Variants in ANKRD35 observed in about 807,000 individuals in gnomAD.
The protein encoded by ANKRD35 is ankyrin repeat domain-containing protein 35.
ANKRD35 carries 102 observed loss-of-function variants against 109.9 expected under a neutral mutation model. The ratio of observed to expected loss-of-function variants is 0.93; its 90% CI spans 0.79 to 1.09. The LOEUF (loss-of-function observed/expected upper bound fraction) is 1.09. Among genes scored for constraint, ANKRD35 ranks in the 50% least tolerant of loss-of-function variants. The pLI is 0.00. For missense variants in ANKRD35, 1,240 were observed against 1,230.1 expected, an observed-to-expected ratio of 1.01 and a Z score of -0.12; for synonymous variants, 515 against 512.4, an observed-to-expected ratio of 1.01 and a Z score of -0.07.
chr1:145,878,280 A>C, intron 3 of ANKRD35, 111 bp downstream of exon 3: 1 of 1,199,090 alleles, frequency 8.3e-7, no homozygotes, highest in South Asian at 1.3e-5. Context: ...CTTACTAAGG[A>C]GAGAAGCAAG....
intron 4 of ANKRD35, 114 bp downstream of exon 4, chr1:145,877,854 G>T: frequency 2.1e-6 from 2 of 966,626 alleles, no homozygotes; most frequent in Non-Finnish European, 3.2e-6. Flanking sequence ...CCCTCCTATT[G>T]GGGATGAGGC....
rs782605209 is a variant in ANKRD35 at position 145,873,542 on chromosome 1, T to C, written c.1227A>G (p.Pro409=). ...LAPKKAEDSA[P]GKIQYEVHGR... ...CATGGACTTCATACTGGATCTTTCC[T>C]GGGGCTGAGTCCTCAGCCTTCTTTG... is the stretch of plus-strand genomic sequence containing the variant. The change falls in exon 10 of 14, where the codon CCA becomes CCG. Residue 409 remains proline, a synonymous_variant. Transcript: ENST00000355594. The C allele has an allele frequency of 6.2e-6, 10 of 1,614,150 alleles. No homozygotes were observed. The highest frequency in any genetic ancestry group is 3.3e-5 in the South Asian group (3 of 91,086).
intron 10 of ANKRD35, among the ~76,000 whole-genome samples, chr1:145,871,055 CAT>C (rs1358247627): frequency 2.0e-5 from 3 of 151,188 alleles, no homozygotes; most frequent in Non-Finnish European, 4.4e-5. Flanking sequence ...CTCATAGAAA[CAT>C]GTAGACTCAC....
intron 12 of ANKRD35, 76 bp downstream of exon 12, chr1:145,867,915 G>A: frequency 7.0e-7 from 1 of 1,423,286 alleles, no homozygotes. Context: ...CCCTGGAGAA[G>A]AGAGAGGGAC....
Position 145,884,262 on chromosome 1 carries a change from G to A in ANKRD35, c.39+1458C>T, listed in dbSNP as rs73006864. Reference sequence around the variant, plus strand: ...CTGAGTCTGGGCAGCCTCAGTTTCTGGTGCATATAATAGTAAATACCTTTT... The same window carrying A: ...CTGAGTCTGGGCAGCCTCAGTTTCTAGTGCATATAATAGTAAATACCTTTT... On this transcript the variant is annotated intron_variant, in intron 1 of 13. Coordinates refer to ENST00000355594, the MANE Select transcript of ANKRD35 (RefSeq NM_144698.5). Among the ~76,000 whole-genome samples, 830 of 152,248 alleles carry A rather than the reference G, an allele frequency of 5.5e-3. 6 individuals are homozygous for A. Among genetic ancestry groups the A allele is most frequent in the African/African-American group, 0.019 (778 of 41,536 alleles).
Position 145,885,829 on chromosome 1 carries a change from C to A in ANKRD35, c.-71G>T. ...GCCACAGGTTCCCGAACCCACCGGA[C>A]TTGGCTGCGGCTGTGCAAGAGACAG... is the stretch of plus-strand genomic sequence containing the variant. On this transcript the variant is annotated 5_prime_UTR_variant, in exon 1 of 14. Coordinates refer to ENST00000355594, the MANE Select transcript of ANKRD35 (RefSeq NM_144698.5). 8.1e-7 allele frequency: 1 copy of A among 1,227,400 alleles called. No homozygotes were observed. The highest frequency in any genetic ancestry group is 1.2e-6 in the Non-Finnish European group (1 of 832,994). 76.0% of individuals were successfully genotyped at this position (1,227,400 alleles called of 1,614,324 possible). A position where few individuals can be genotyped will look rare whatever the true frequency, so the allele number is the denominator to read the frequency against.
intron 1 of ANKRD35, 66 bp from the exon 2 acceptor site, chr1:145,879,454 A>G: frequency 7.3e-7 from 1 of 1,371,306 alleles, no homozygotes; most frequent in South Asian, 2.0e-5. Context: ...GAAAAGAGGC[A>G]AATGGTTAGG....
At chr1:145,882,728 A>C (rs1329000968) in intron 1 of ANKRD35, among the ~76,000 whole-genome samples, 1 of 152,222 alleles carries the variant, frequency 6.6e-6, no homozygotes, top group Non-Finnish European at 1.5e-5. Flanking sequence ...AGTAAAGGAC[A>C]GAGAGATGCT....
chr1:145,866,968 C>G (rs1653628876), intron 13 of ANKRD35, among the ~76,000 whole-genome samples: 3 of 152,060 alleles, frequency 2.0e-5, no homozygotes. Flanking sequence ...TTTGTAGAGT[C>G]CTGCCCTAAG....
chr1:145,873,587 T>C lies in ANKRD35; in HGVS notation c.1182A>G (p.Thr394=). 6.2e-7 allele frequency: 1 copy of C among 1,614,128 alleles called. No individual in the cohort carries two copies. Among genetic ancestry groups the C allele is most frequent in the Non-Finnish European group, 8.5e-7 (1 of 1,180,010 alleles). The change falls in exon 10 of 14, where the codon ACA becomes ACG. Residue 394 remains threonine (T), a synonymous_variant. Transcript: ENST00000355594. ...TCTTTGGAGCTAATACTGGATTTAC[T>C]GTGGCTGCTGCCTGCTGCTGCTTCT... ...ELKKQQQAAA[T]VNPVLAPKKA...
At chr1:145,883,504 T>C (rs1212840077) in intron 1 of ANKRD35, among the ~76,000 whole-genome samples, 1 of 152,212 alleles carries the variant, frequency 6.6e-6, no homozygotes, top group East Asian at 1.9e-4. Flanking sequence ...TAAAATGGGA[T>C]TATAGGAGTT....
At chr1:145,884,777 C>A (rs1245509319) in intron 1 of ANKRD35, among the ~76,000 whole-genome samples, 1 of 151,990 alleles carries the variant, frequency 6.6e-6, no homozygotes, top group South Asian at 2.1e-4. Flanking sequence ...AGCAACTGGG[C>A]AAGGGTTCAG....
rs1553738779 is a variant in ANKRD35 at position 145,872,101 on chromosome 1, C to A, written c.2668G>T (p.Glu890Ter). The A allele has an allele frequency of 1.2e-6, 2 of 1,612,938 alleles. No individual in the cohort carries two copies. Among genetic ancestry groups the A allele is most frequent in the South Asian group, 1.1e-5 (1 of 91,010 alleles). ...RSGDLAAQAA[E>*]QERQASEMRG... ...ATCTCGCTGGCCTGGCGCTCTTGTT[C>A]GGCTGCCTGAGCGGCCAGGTCCCCG... Residue 890 changes from glutamate to a stop codon, truncating the protein, a stop_gained, in exon 10 of 14, where the codon GAA becomes TAA. Coordinates refer to ENST00000355594, the MANE Select transcript of ANKRD35 (RefSeq NM_144698.5). LOFTEE classifies it high-confidence loss of function.
chr1:145,870,161 G>T (rs1334372164), intron 10 of ANKRD35, among the ~76,000 whole-genome samples: 3 of 148,498 alleles, frequency 2.0e-5, no homozygotes, highest in African/African-American at 5.1e-5. Context: ...CGCGATCTCA[G>T]CTCACTGCAA....
rs944959443 is a variant in ANKRD35 at position 145,868,352 on chromosome 1, C to G, written c.2836G>C (p.Ala946Pro). Residue 946 changes from alanine to proline, a missense_variant, in exon 11 of 14, where the codon GCA (alanine) becomes CCA (proline). By Grantham distance (27) the Ala-to-Pro change is conservative. Transcript: ENST00000355594. ...KLEQLSEEVLAIRGENARLAL... is the reference protein window; with the variant it reads ...KLEQLSEEVLPIRGENARLAL... ...AGGCGAGCATTTTCTCCCCGAATTG[C>G]TAGAACCTCTTCTGAAAGCTGCTCC... The G allele has an allele frequency of 3.7e-6, 6 of 1,614,102 alleles. No individual in the cohort carries two copies. In the African/African-American group the frequency reaches 6.7e-5, roughly 18 times the overall value.
chr1:145,879,409 G>A (rs782722956), intron 1 of ANKRD35, 21 bp from the exon 2 acceptor site: 2 of 1,520,404 alleles, frequency 1.3e-6, no homozygotes, highest in South Asian at 1.3e-5. Context: ...GCCACAGGTT[G>A]TGTGAATATA....
In ANKRD35 at chr1:145,873,886, A is replaced by G. The variant is rs1333178924; in HGVS notation, c.883T>C (p.Ser295Pro). ...TCATACTTCCACCTCCACTCCTCCG[A>G]GCACGGGTCTTCATCCTCCTTCTCC... ...QEEKEDEDPC[S>P]EEWRWKYEEE... is the part of the protein sequence containing the mutation. Residue 295 changes from serine to proline, a missense_variant, in exon 10 of 14, where the codon TCG (serine) becomes CCG (proline). Ser to Pro is a moderately conservative substitution (Grantham distance 74, BLOSUM62 -1). Coordinates refer to ENST00000355594, the MANE Select transcript of ANKRD35 (RefSeq NM_144698.5). 6.2e-7 allele frequency: 1 copy of G among 1,614,140 alleles called. No individual in the cohort carries two copies.
At chr1:145,875,425 A>T (rs7519186) in intron 7 of ANKRD35, among the ~76,000 whole-genome samples, 1 of 151,886 alleles carries the variant, frequency 6.6e-6, no homozygotes, top group African/African-American at 2.4e-5. Flanking sequence ...GATTACAGGT[A>T]TGAGCCACTG....
chr1:145,881,293 C>T (rs782559516), intron 1 of ANKRD35, among the ~76,000 whole-genome samples: 2 of 152,024 alleles, frequency 1.3e-5, no homozygotes, highest in African/African-American at 4.8e-5. Context: ...CTCAAACAAA[C>T]AAACAAACAA....
Sources: gnomAD v4.1 joint callset for allele counts (sites outside exome capture counted in the v4.1 genomes callset) on GRCh38, gnomAD v4.1.1 for gene constraint, MANE v1.5 for transcripts, NCBI Gene and HGNC (gene_info 2026-07-23, HGNC 2026-07-21) for gene names.